Variants in ALDH1A2 observed in about 807,000 individuals in gnomAD.
The protein encoded by ALDH1A2 is aldehyde dehydrogenase 1 family member A2.
A neutral mutation model predicts 60.3 loss-of-function variants in ALDH1A2; 27 were observed. The observed-to-expected ratio is 0.45, with a 90% CI of 0.33 to 0.62. ALDH1A2 has a LOEUF of 0.62. ALDH1A2 is among the 20% of genes least tolerant of loss of function. ALDH1A2 has a pLI of 0.02. For missense variants in ALDH1A2, 581 were observed against 643.8 expected, an observed-to-expected ratio of 0.90 and a Z score of 1.06; for synonymous variants, 289 against 232.4, an observed-to-expected ratio of 1.24 and a Z score of -2.21.
At chr15:58,020,434 C>G (rs1474555088) in intron 1 of ALDH1A2, among the ~76,000 whole-genome samples, 1 of 152,124 alleles carries the variant, frequency 6.6e-6, no homozygotes, top group Non-Finnish European at 1.5e-5. Context: ...AAGAACAAAT[C>G]TGAAACACAC....
intron 10 of ALDH1A2, 92 bp from the exon 11 acceptor site, chr15:57,961,386 C>T: frequency 6.9e-7 from 1 of 1,440,264 alleles, no homozygotes; most frequent in South Asian, 1.2e-5. Flanking sequence ...GCCTTGATTA[C>T]TTAAATGACC....
At chr15:58,031,651 C>G (rs1458326896) in intron 1 of ALDH1A2, among the ~76,000 whole-genome samples, 1 of 151,800 alleles carries the variant, frequency 6.6e-6, no homozygotes, top group Non-Finnish European at 1.5e-5. Flanking sequence ...CTACAAAGAA[C>G]TTAAATTTAC....
intron 7 of ALDH1A2, among the ~76,000 whole-genome samples, chr15:57,986,700 C>A (rs1047148501): frequency 6.6e-6 from 1 of 151,620 alleles, no homozygotes; most frequent in East Asian, 1.9e-4. Context: ...TAGATGGAGT[C>A]TCACTCCCGT....
intron 1 of ALDH1A2, among the ~76,000 whole-genome samples, chr15:58,023,782 C>T (rs371266102): frequency 1.9e-4 from 29 of 152,068 alleles, no homozygotes; most frequent in African/African-American, 6.0e-4. Context: ...ACCACTAGGA[C>T]TGACCCTACA....
chr15:58,009,450 G>A (rs547590723), intron 4 of ALDH1A2, among the ~76,000 whole-genome samples: 2 of 151,768 alleles, frequency 1.3e-5, no homozygotes, highest in Non-Finnish European at 2.9e-5. Flanking sequence ...TGCTCAGCCT[G>A]GCTAAGAAGG....
intron 7 of ALDH1A2, among the ~76,000 whole-genome samples, chr15:57,977,573 A>ATATC (rs1335654282): frequency 6.6e-6 from 1 of 152,118 alleles, no homozygotes; most frequent in African/African-American, 2.4e-5. Flanking sequence ...TGGTCTATGT[A>ATATC]TATCTGTGTT....
intron 1 of ALDH1A2, among the ~76,000 whole-genome samples, chr15:58,030,112 C>G (rs1256289522): frequency 6.6e-6 from 1 of 152,176 alleles, no homozygotes; most frequent in African/African-American, 2.4e-5. Flanking sequence ...ACCAATATCC[C>G]TGATGGACAC....
intron 1 of ALDH1A2, among the ~76,000 whole-genome samples, chr15:58,051,252 G>A (rs1896772097): frequency 6.6e-6 from 1 of 152,070 alleles, no homozygotes; most frequent in Non-Finnish European, 1.5e-5. Flanking sequence ...GACTTAAACT[G>A]TGATGATAAA....
chr15:58,039,883 T>G (rs1055537340), intron 1 of ALDH1A2, among the ~76,000 whole-genome samples: 3 of 151,786 alleles, frequency 2.0e-5, no homozygotes, highest in African/African-American at 7.3e-5. Context: ...TTATTTGCAA[T>G]CATTTCTTAG....
intron 7 of ALDH1A2, among the ~76,000 whole-genome samples, chr15:57,979,354 C>A (rs1030405701): frequency 2.6e-5 from 4 of 152,172 alleles, no homozygotes; most frequent in African/African-American, 9.7e-5. Context: ...ACAAACTGAT[C>A]GGCTGACAAA....
At position 57,961,279 on chromosome 15, in the gene ALDH1A2, G is replaced by T; in HGVS notation, c.1267C>A (p.Gln423Lys). Reference sequence around the variant, plus strand: ...ATCGTCTTAAATCTCAAAATTTCCTGAACAGGGCCAAAGATCTGCAAAAAG... The same window carrying T: ...ATCGTCTTAAATCTCAAAATTTCCTTAACAGGGCCAAAGATCTGCAAAAAG... ...IAKEEIFGPV[Q>K]EILRFKTMDE... Residue 423 changes from glutamine to lysine, a missense_variant, in exon 11 of 13, where the codon CAG becomes AAG. This residue lies in a region of ALDH1A2 where 375 missense variants were observed against 469.7 expected (regional missense o/e 0.80). Coordinates refer to ENST00000249750, the MANE Select transcript of ALDH1A2 (RefSeq NM_003888.4). The T allele has an allele frequency of 6.2e-7, 1 of 1,613,922 alleles. No individual in the cohort carries two copies. Among genetic ancestry groups the T allele is most frequent in the Non-Finnish European group, 8.5e-7 (1 of 1,179,984 alleles).
intron 1 of ALDH1A2, 168 bp downstream of exon 1, chr15:58,065,366 G>A: frequency 1.4e-6 from 1 of 712,230 alleles, no homozygotes. Flanking sequence ...GGCTTCAAAC[G>A]CCCCAGTCCC....
At chr15:58,002,103 T>C (rs1429943312) in intron 4 of ALDH1A2, among the ~76,000 whole-genome samples, 1 of 151,930 alleles carries the variant, frequency 6.6e-6, no homozygotes, top group African/African-American at 2.4e-5. Context: ...TGAGTTTTGA[T>C]ACCTGGGTGC....
chr15:57,988,589 C>G (rs1452031074), intron 7 of ALDH1A2, among the ~76,000 whole-genome samples: 1 of 152,152 alleles, frequency 6.6e-6, no homozygotes, highest in African/African-American at 2.4e-5. Flanking sequence ...AGGGTGTTAC[C>G]TGCAAAGAGG....
chr15:58,032,120 G>A (rs2140542153), intron 1 of ALDH1A2, among the ~76,000 whole-genome samples: 1 of 152,226 alleles, frequency 6.6e-6, no homozygotes, highest in Non-Finnish European at 1.5e-5. Context: ...GTCCAACAAT[G>A]ATAGACTGGA....
chr15:57,956,768 C>T (rs1461902307), intron 12 of ALDH1A2, among the ~76,000 whole-genome samples: 1 of 152,178 alleles, frequency 6.6e-6, no homozygotes, highest in Non-Finnish European at 1.5e-5. Flanking sequence ...ACACCATGTG[C>T]ATCCCATTTG....
At chr15:57,994,408 G>C (rs1293336137) in intron 5 of ALDH1A2, among the ~76,000 whole-genome samples, 1 of 152,132 alleles carries the variant, frequency 6.6e-6, no homozygotes, top group South Asian at 2.1e-4. Context: ...AGTTTACTTT[G>C]AGCATCCCCT....
At chr15:58,057,413 A>G (rs905520392) in intron 1 of ALDH1A2, among the ~76,000 whole-genome samples, 1 of 152,230 alleles carries the variant, frequency 6.6e-6, no homozygotes, top group Non-Finnish European at 1.5e-5. Context: ...ATATACCTAT[A>G]GTGAAGATAA....
At chr15:58,003,088 C>T (rs1188018291) in intron 4 of ALDH1A2, among the ~76,000 whole-genome samples, 1 of 151,896 alleles carries the variant, frequency 6.6e-6, no homozygotes, top group Non-Finnish European at 1.5e-5. Flanking sequence ...TACGACTATT[C>T]CACTACATGA....
Sources: gnomAD v4.1 joint callset for allele counts (sites outside exome capture counted in the v4.1 genomes callset) on GRCh38, gnomAD v4.1.1 for gene constraint, gnomAD v4.1.1 regional missense constraint, MANE v1.5 for transcripts, NCBI Gene and HGNC (gene_info 2026-07-23, HGNC 2026-07-21) for gene names.